The following PTPRD variants were observed in gnomAD, a reference collection of about 807,000 sequenced individuals.
The protein encoded by PTPRD is receptor-type tyrosine-protein phosphatase delta.
PTPRD carries 34 observed loss-of-function variants against 214.5 expected under a neutral mutation model. The observed-to-expected ratio is 0.16, with a 90% CI of 0.12 to 0.21. The LOEUF is 0.21. Ranked by LOEUF, PTPRD falls within the 10% of genes least tolerant of loss-of-function variation. PTPRD has a pLI of 1.00. For missense variants in PTPRD, 2,545 were observed against 2,398.7 expected, an observed-to-expected ratio of 1.06 and a Z score of -1.27; for synonymous variants, 1,128 against 845.7, an observed-to-expected ratio of 1.33 and a Z score of -5.79.
At chr9:10,081,829 G>C (rs1249707679) in intron 3 of PTPRD, among the ~76,000 whole-genome samples, 1 of 151,966 alleles carries the variant, frequency 6.6e-6, no homozygotes, top group Non-Finnish European at 1.5e-5. Context: ...TTTTTTCTTA[G>C]TCATGAAAAT....
Position 10,598,997 on chromosome 9 carries a change from A to C in PTPRD, c.-600+13401T>G, listed in dbSNP as rs75790735. Reference sequence around the variant, plus strand: ...TCAAATTTTAGCTAGGTACACAACTAAACAGCTATGGGACTACATTTCCCA... The same window carrying C: ...TCAAATTTTAGCTAGGTACACAACTCAACAGCTATGGGACTACATTTCCCA... On this transcript the variant is annotated intron_variant, in intron 2 of 45. Coordinates refer to ENST00000381196, the MANE Select transcript of PTPRD (RefSeq NM_002839.4). Among the ~76,000 whole-genome samples, 103 of 151,726 alleles carry C rather than the reference A, an allele frequency of 6.8e-4. 1 individual carries two copies. Among genetic ancestry groups the C allele is most frequent in the South Asian group, 1.5e-3 (7 of 4,822 alleles).
intron 35 of PTPRD, among the ~76,000 whole-genome samples, chr9:8,435,746 C>T (rs1387185015): frequency 2.0e-5 from 3 of 151,964 alleles, no homozygotes; most frequent in African/African-American, 7.3e-5. Context: ...CACGTGCATA[C>T]ACACAGGCTT....
chr9:10,347,770 A>T (rs963421134), intron 2 of PTPRD, among the ~76,000 whole-genome samples: 1 of 151,976 alleles, frequency 6.6e-6, no homozygotes, highest in African/African-American at 2.4e-5. Context: ...TTTGAAATGT[A>T]CAATAGGCTG....
rs2098180006 is a variant in PTPRD at position 8,705,248 on chromosome 9, G to C, written c.64+28532C>G. ...TACTGTTGTTTTGTTTTTTGAGATG[G>C]TCTCACTTGTCACCCAGACTGGAGT... On this transcript the variant is annotated intron_variant, in intron 12 of 45. Transcript: ENST00000381196. Among the ~76,000 whole-genome samples, 6 of 151,986 alleles carry C rather than the reference G, an allele frequency of 3.9e-5. No individual in the cohort carries two copies. In the South Asian group the frequency reaches 1.2e-3, roughly 32 times the overall value.
At chr9:9,450,486 G>A (rs2091842289) in intron 8 of PTPRD, among the ~76,000 whole-genome samples, 2 of 151,958 alleles carry the variant, frequency 1.3e-5, no homozygotes, top group South Asian at 4.1e-4. Flanking sequence ...GTATCTCACT[G>A]TGATTTTGAT....
chr9:8,584,126 C>T (rs76547278), intron 14 of PTPRD, among the ~76,000 whole-genome samples: 8,658 of 152,056 alleles, frequency 0.057, 809 homozygotes, highest in African/African-American at 0.2. Context: ...TGCATTCCAG[C>T]CTGCACAACA....
At chr9:9,145,717 G>A (rs1379720675) in intron 10 of PTPRD, among the ~76,000 whole-genome samples, 11 of 152,066 alleles carry the variant, frequency 7.2e-5, no homozygotes, top group Non-Finnish European at 1.5e-4. Flanking sequence ...CTGTGTAGAA[G>A]CAAGGAGGGA....
intron 2 of PTPRD, among the ~76,000 whole-genome samples, chr9:10,596,453 T>C (rs956341013): frequency 4.0e-5 from 6 of 151,748 alleles, no homozygotes; most frequent in African/African-American, 1.4e-4. Flanking sequence ...TGAAGGTATA[T>C]TTTGTTCTAA....
At chr9:9,607,373 A>C (rs1183019816) in intron 7 of PTPRD, among the ~76,000 whole-genome samples, 1 of 152,152 alleles carries the variant, frequency 6.6e-6, no homozygotes, top group Non-Finnish European at 1.5e-5. Flanking sequence ...TGCACTGGAC[A>C]CTATATGCTC....
intron 30 of PTPRD, among the ~76,000 whole-genome samples, chr9:8,475,110 C>T (rs1239466913): frequency 6.6e-6 from 1 of 152,106 alleles, no homozygotes; most frequent in African/African-American, 2.4e-5. Context: ...TGTGTTCCTG[C>T]TGCTCCCACT....
chr9:10,151,022 G>C (rs1017213426), intron 3 of PTPRD, among the ~76,000 whole-genome samples: 6 of 150,940 alleles, frequency 4.0e-5, no homozygotes, highest in African/African-American at 9.7e-5. Context: ...ATAATATTTG[G>C]GTGTATGAGT....
intron 34 of PTPRD, among the ~76,000 whole-genome samples, chr9:8,439,929 GCTTT>G (rs2095486091): frequency 2.2e-5 from 2 of 91,070 alleles, no homozygotes; most frequent in African/African-American, 7.8e-5. Flanking sequence ...TACTTGATGT[GCTTT>G]AATTTTTTTT....
chr9:9,660,046 T>A (rs1160250342), intron 7 of PTPRD, among the ~76,000 whole-genome samples: 1 of 152,098 alleles, frequency 6.6e-6, no homozygotes, highest in Non-Finnish European at 1.5e-5. Context: ...ATTTTTAACA[T>A]ACTTTATTTA....
At chr9:10,187,948 C>T (rs369232334) in intron 3 of PTPRD, among the ~76,000 whole-genome samples, 331 of 152,220 alleles carry the variant, frequency 2.2e-3, no homozygotes, top group Non-Finnish European at 3.3e-3. Flanking sequence ...TTTCAGTTTT[C>T]TCTTTGTTTA....
chr9:9,024,446 C>A lies in PTPRD; in HGVS notation c.-142-5711G>T, dbSNP rs557637478. Among the ~76,000 whole-genome samples the A allele has an allele frequency of 3.1e-4, 45 of 147,020 alleles. 1 individual carries two copies. The South Asian group carries it at 9.5e-3, about 31-fold the overall frequency. On this transcript the variant is annotated intron_variant, in intron 10 of 45. Coordinates refer to ENST00000381196, the MANE Select transcript of PTPRD (RefSeq NM_002839.4). ...ATGATTAATTCCTTAGGATGAATTG[C>A]TGGATGCAGTCAAGCTTGCATATTA... is the stretch of plus-strand genomic sequence containing the variant.
intron 14 of PTPRD, among the ~76,000 whole-genome samples, chr9:8,558,529 T>G (rs143868141): frequency 1.9e-4 from 29 of 152,340 alleles, no homozygotes; most frequent in African/African-American, 6.7e-4. Context: ...AGGCCTGCTC[T>G]GATGGAGAGA....
intron 12 of PTPRD, among the ~76,000 whole-genome samples, chr9:8,726,417 T>A (rs2098558180): frequency 6.7e-6 from 1 of 148,462 alleles, no homozygotes; most frequent in South Asian, 2.2e-4. Context: ...GGTAAAACCA[T>A]CTCTACAAAA....
chr9:10,083,474 C>G (rs1374344018), intron 3 of PTPRD, among the ~76,000 whole-genome samples: 2 of 151,988 alleles, frequency 1.3e-5, no homozygotes, highest in African/African-American at 4.8e-5. Flanking sequence ...TTCTCAAAGC[C>G]TGGATAAACA....
chr9:9,899,033 G>A (rs1308898123), intron 5 of PTPRD, among the ~76,000 whole-genome samples: 1 of 152,068 alleles, frequency 6.6e-6, no homozygotes. Context: ...TAATAAGTGA[G>A]TTTTGCAAAG....
Sources: allele counts gnomAD v4.1 joint callset (sites outside exome capture counted in the v4.1 genomes callset), GRCh38; gene constraint gnomAD v4.1.1; transcripts MANE v1.5; gene names NCBI Gene and HGNC (gene_info 2026-07-23, HGNC 2026-07-21).